Variants in MAML3 observed in about 807,000 individuals in gnomAD.
The protein encoded by MAML3 is mastermind-like protein 3.
A neutral mutation model predicts 101.9 loss-of-function variants in MAML3; 27 were observed. The ratio of observed to expected loss-of-function variants is 0.27; its 90% CI spans 0.20 to 0.37. The LOEUF is 0.37. Among genes scored for constraint, MAML3 ranks in the 10% least tolerant of loss-of-function variants. MAML3 has a pLI of 1.00. For synonymous variants in MAML3, 501 were observed against 555.9 expected (o/e 0.90, Z 1.39); for missense variants, 1,316 against 1,444.9 (o/e 0.91, Z 1.45).
Position 139,880,127 on chromosome 4 carries a change from C to T in MAML3, c.2079+9230G>A, listed in dbSNP as rs374182049. On this transcript the variant is annotated intron_variant, in intron 2 of 4. Transcript: ENST00000509479. ...GACAGAGGTTGCAGTGAGCCCAGAT[C>T]GTGCCACTGCACTCCAGCCTGGGTG... Among the ~76,000 whole-genome samples the T allele has an allele frequency of 6.9e-4, 104 of 151,392 alleles. 1 individual carries two copies. The highest frequency in any genetic ancestry group is 2.1e-3 in the African/African-American group (88 of 41,220).
At chr4:140,118,840 A>T (rs1728556321) in intron 1 of MAML3, among the ~76,000 whole-genome samples, 1 of 152,242 alleles carries the variant, frequency 6.6e-6, no homozygotes, top group African/African-American at 2.4e-5. Context: ...CTTCTGATCA[A>T]GTAACCCAAG....
chr4:139,838,952 A>G (rs1222949270), intron 2 of MAML3, among the ~76,000 whole-genome samples: 4 of 152,118 alleles, frequency 2.6e-5, no homozygotes, highest in Non-Finnish European at 5.9e-5. Flanking sequence ...GATTTCTGAG[A>G]TCTTCTCTTC....
chr4:139,908,008 T>C (rs1578591467), intron 1 of MAML3, among the ~76,000 whole-genome samples: 1 of 152,270 alleles, frequency 6.6e-6, no homozygotes, highest in East Asian at 1.9e-4. Flanking sequence ...GTGGACCTAT[T>C]GTAAGCTTAG....
intron 2 of MAML3, among the ~76,000 whole-genome samples, chr4:139,747,164 T>C (rs1178812669): frequency 6.6e-6 from 1 of 152,210 alleles, no homozygotes; most frequent in Non-Finnish European, 1.5e-5. Context: ...TGATGGTTTC[T>C]GTAGGGTGGA....
chr4:139,855,576 G>A (rs190484564), intron 2 of MAML3, among the ~76,000 whole-genome samples: 8 of 152,206 alleles, frequency 5.3e-5, no homozygotes, highest in South Asian at 2.1e-4. Flanking sequence ...AAAAATCACC[G>A]GAGAATTTAT....
At chr4:139,951,538 T>A (rs1247264413) in intron 1 of MAML3, among the ~76,000 whole-genome samples, 4 of 152,098 alleles carry the variant, frequency 2.6e-5, no homozygotes, top group Admixed American at 6.5e-5. Flanking sequence ...CGCATTTCTA[T>A]TTTGGGGGCT....
At chr4:140,024,954 G>A (rs558280593) in intron 1 of MAML3, among the ~76,000 whole-genome samples, 1 of 152,246 alleles carries the variant, frequency 6.6e-6, no homozygotes, top group East Asian at 1.9e-4. Context: ...AGTTAGGATG[G>A]GCTAAATTAA....
chr4:139,952,333 G>A (rs1263864177), intron 1 of MAML3, among the ~76,000 whole-genome samples: 1 of 152,152 alleles, frequency 6.6e-6, no homozygotes, highest in Admixed American at 6.5e-5. Context: ...TGATCAGGTA[G>A]GCAGGGGGTC....
chr4:139,758,323 G>A (rs1013752414), intron 2 of MAML3, among the ~76,000 whole-genome samples: 2 of 152,228 alleles, frequency 1.3e-5, no homozygotes, highest in Non-Finnish European at 2.9e-5. Flanking sequence ...TGTGGCCTGA[G>A]TATACGTTGC....
chr4:139,993,185 C>G (rs962308490), intron 1 of MAML3, among the ~76,000 whole-genome samples: 4 of 151,828 alleles, frequency 2.6e-5, no homozygotes, highest in East Asian at 2.0e-4. Context: ...AACCCCATCT[C>G]TAGTAAAAAT....
rs73857940 is a variant in MAML3, at chr4:140,133,485, G to A, written c.468+19375C>T. ...GCAATTAGAGGACCACAAAGTGATAGTATTGCAACTCTCACCAGCTAGAAT... is the reference window on the plus strand; with the variant it reads ...GCAATTAGAGGACCACAAAGTGATAATATTGCAACTCTCACCAGCTAGAAT... On this transcript the variant is annotated intron_variant, in intron 1 of 4. Coordinates refer to ENST00000509479, the MANE Select transcript of MAML3 (RefSeq NM_018717.5). Among the ~76,000 whole-genome samples the A allele has an allele frequency of 4.2e-3, 638 of 152,280 alleles. 5 individuals carry two copies. Among genetic ancestry groups the A allele is most frequent in the African/African-American group, 0.015 (604 of 41,546 alleles).
At chr4:139,763,049 A>G (rs899476614) in intron 2 of MAML3, among the ~76,000 whole-genome samples, 3 of 152,188 alleles carry the variant, frequency 2.0e-5, no homozygotes, top group Non-Finnish European at 4.4e-5. Flanking sequence ...GACCAGTGGT[A>G]TTTGGTGGAT....
rs189482522 is a variant in MAML3, at chr4:139,759,785, T to A, written c.2080-29118A>T. ...AAACACTGTTAATATCGAGAATGAA[T>A]AAATAATGGAATACTGGAATGAACC... On this transcript the variant is annotated intron_variant, in intron 2 of 4. Transcript: ENST00000509479. Among the ~76,000 whole-genome samples the A allele has an allele frequency of 7.2e-5, 11 of 152,324 alleles. No individual in the cohort carries two copies. In the East Asian group the frequency reaches 1.7e-3, roughly 24 times the overall value.
chr4:139,869,709 GA>G (rs1173103164), intron 2 of MAML3, among the ~76,000 whole-genome samples: 1 of 152,182 alleles, frequency 6.6e-6, no homozygotes, highest in African/African-American at 2.4e-5. Context: ...TTATCTGAAA[GA>G]TGGGATGGAG....
At chr4:139,859,116 G>A (rs1162067677) in intron 2 of MAML3, among the ~76,000 whole-genome samples, 1 of 152,044 alleles carries the variant, frequency 6.6e-6, no homozygotes, top group Non-Finnish European at 1.5e-5. Flanking sequence ...GATACCAGGA[G>A]TTGCTAATAT....
chr4:139,903,314 T>C (rs1732760938), intron 1 of MAML3, among the ~76,000 whole-genome samples: 1 of 152,180 alleles, frequency 6.6e-6, no homozygotes, highest in Non-Finnish European at 1.5e-5. Flanking sequence ...ACATCAGTCT[T>C]CCAGGACTTT....
chr4:139,749,702 C>T (rs114927941), intron 2 of MAML3, among the ~76,000 whole-genome samples: 5,627 of 152,274 alleles, frequency 0.037, 241 homozygotes, highest in Admixed American at 0.13. Context: ...CACAGACCCG[C>T]GGTGGCAGTG....
chr4:139,785,503 C>A lies in MAML3; in HGVS notation c.2080-54836G>T, dbSNP rs534205671. Reference sequence around the variant, plus strand: ...TTATTTTTGTACGGAATGTGGTGATCCCCACTGGCAGGAACAGGTTGCATG... The same window carrying A: ...TTATTTTTGTACGGAATGTGGTGATACCCACTGGCAGGAACAGGTTGCATG... On this transcript the variant is annotated intron_variant, in intron 2 of 4. Coordinates refer to ENST00000509479, the MANE Select transcript of MAML3 (RefSeq NM_018717.5). This position sits in a 1 kb window ranked among gnomAD's most constrained non-coding sequence, Gnocchi z 4.3. 3.3e-5 allele frequency among the ~76,000 whole-genome samples: 5 copies of A among 152,084 alleles called. No individual in the cohort carries two copies. The highest frequency in any genetic ancestry group is 1.2e-4 in the African/African-American group (5 of 41,394).
chr4:139,936,310 T>C (rs1243628471), intron 1 of MAML3, among the ~76,000 whole-genome samples: 1 of 152,204 alleles, frequency 6.6e-6, no homozygotes, highest in Non-Finnish European at 1.5e-5. Flanking sequence ...ATACTTAAGC[T>C]GATTTCATAT....
Sources: allele counts gnomAD v4.1 joint callset (sites outside exome capture counted in the v4.1 genomes callset), GRCh38; gene constraint gnomAD v4.1.1; non-coding constraint Gnocchi (gnomAD v3.1); transcripts MANE v1.5; gene names NCBI Gene and HGNC (gene_info 2026-07-23, HGNC 2026-07-21).